REV3L: variants seen among roughly 807,000 people sequenced by gnomAD.
The protein encoded by REV3L is REV3 like, DNA directed polymerase zeta catalytic subunit.
In REV3L, 69 loss-of-function variants were observed where a neutral mutation model predicts 299.4. That is an observed-to-expected ratio of 0.23 (90% CI 0.19 to 0.28). REV3L has a LOEUF of 0.28. Ranked by LOEUF, REV3L falls within the 10% of genes least tolerant of loss-of-function variation. REV3L has a pLI of 1.00. For missense variants in REV3L, 3,128 were observed against 3,693.8 expected, an observed-to-expected ratio of 0.85 and a Z score of 3.97; for synonymous variants, 1,238 against 1,271.4, an observed-to-expected ratio of 0.97 and a Z score of 0.56.
At chr6:111,402,443 T>C (rs1783185224) in intron 4 of REV3L, among the ~76,000 whole-genome samples, 1 of 152,222 alleles carries the variant, frequency 6.6e-6, no homozygotes, top group Admixed American at 6.5e-5. Flanking sequence ...TTCTTAATTT[T>C]CCAAGATTAG....
At chr6:111,359,239 G>T (rs1778397457) in intron 16 of REV3L, among the ~76,000 whole-genome samples, 1 of 151,986 alleles carries the variant, frequency 6.6e-6, no homozygotes, top group Non-Finnish European at 1.5e-5. Context: ...TGCTCTCAAT[G>T]ACAATATTTA....
In REV3L at chr6:111,373,876, C is replaced by T. The variant is rs1317110083; in HGVS notation, c.4479G>A (p.Pro1493=). 16 of 1,613,820 alleles carry T rather than the reference C, an allele frequency of 9.9e-6. No homozygotes were observed. Among genetic ancestry groups the T allele is most frequent in the Non-Finnish European group, 1.3e-5 (15 of 1,179,944 alleles). ...MSNFKPERVK[P]RSLSEAISQT... ...GTGAAATTGCTTCTGATAACGACCT[C>T]GGTTTTACTCTTTCAGGTTTAAAAT... The change falls in exon 13 of 32, where the codon CCG becomes CCA. Residue 1493 remains proline (P), a synonymous_variant. Coordinates refer to ENST00000368802, the MANE Select transcript of REV3L (RefSeq NM_001372078.1).
intron 4 of REV3L, among the ~76,000 whole-genome samples, chr6:111,396,025 C>T (rs116519959): frequency 0.03 from 4,575 of 151,724 alleles, 79 homozygotes; most frequent in South Asian, 0.078. Flanking sequence ...TCCTTGCACC[C>T]CTGAAATAAG....
intron 1 of REV3L, among the ~76,000 whole-genome samples, chr6:111,453,754 CGGGTAG>C: frequency 6.6e-6 from 1 of 152,156 alleles, no homozygotes; most frequent in Non-Finnish European, 1.5e-5. Context: ...GAGGCTGAGG[CGGGTAG>C]ATCACTTGAG....
At chr6:111,455,939 A>G (rs1202168697) in intron 1 of REV3L, among the ~76,000 whole-genome samples, 1 of 152,246 alleles carries the variant, frequency 6.6e-6, no homozygotes, top group African/African-American at 2.4e-5. Flanking sequence ...TCCTTAAGAT[A>G]GAGCATCATA....
chr6:111,356,440 G>A (rs1238879688), intron 18 of REV3L, among the ~76,000 whole-genome samples: 1 of 152,030 alleles, frequency 6.6e-6, no homozygotes, highest in Non-Finnish European at 1.5e-5. Flanking sequence ...ATCGGACTGA[G>A]GACCGACTAC....
chr6:111,305,905 G>T (rs1479461166), intron 31 of REV3L, among the ~76,000 whole-genome samples: 1 of 152,210 alleles, frequency 6.6e-6, no homozygotes. Flanking sequence ...TTCAGTGGTT[G>T]TACTGACTAG....
intron 26 of REV3L, among the ~76,000 whole-genome samples, chr6:111,317,327 T>C (rs965565372): frequency 1.3e-5 from 2 of 152,216 alleles, no homozygotes; most frequent in African/African-American, 2.4e-5. Context: ...GTCTTTAAAA[T>C]AAATATTGTC....
intron 25 of REV3L, among the ~76,000 whole-genome samples, chr6:111,326,274 A>C (rs1229522155): frequency 6.6e-6 from 1 of 152,216 alleles, no homozygotes; most frequent in Non-Finnish European, 1.5e-5. Context: ...AAGGAACTCA[A>C]ACAACTCAGT....
chr6:111,299,102 G>A lies in REV3L; in HGVS notation c.*914C>T, dbSNP rs1245391407. On this transcript the variant is annotated 3_prime_UTR_variant, in exon 32 of 32. Transcript: ENST00000368802. ...AACTTTTAAAACAAAATGATTTCCA[G>A]TTTAAAAAACAATGCACTGACCACA... 1.3e-5 allele frequency: 2 copies of A among 152,146 alleles called. No homozygotes were observed. The highest frequency in any genetic ancestry group is 4.8e-5 in the African/African-American group (2 of 41,326). 9.4% of individuals were successfully genotyped at this position (152,146 alleles called of 1,614,324 possible).
At chr6:111,443,299 C>T (rs1788488987) in intron 1 of REV3L, among the ~76,000 whole-genome samples, 1 of 152,086 alleles carries the variant, frequency 6.6e-6, no homozygotes. Context: ...CAGGCGCCGC[C>T]ACCTCGCCCA....
At chr6:111,444,925 T>C (rs932210621) in intron 1 of REV3L, among the ~76,000 whole-genome samples, 6 of 152,256 alleles carry the variant, frequency 3.9e-5, no homozygotes, top group Non-Finnish European at 7.3e-5. Context: ...ATCCTACTTC[T>C]TTCCCAGAAG....
At chr6:111,329,403 T>C (rs1437171284) in intron 25 of REV3L, 129 bp downstream of exon 25, 3 of 762,468 alleles carry the variant, frequency 3.9e-6, no homozygotes, top group African/African-American at 3.5e-5. Context: ...CCAGGCAGGA[T>C]TCAACTCTGG....
At chr6:111,332,980 A>T in intron 23 of REV3L, 143 bp downstream of exon 23, 2 of 909,634 alleles carry the variant, frequency 2.2e-6, no homozygotes, top group Non-Finnish European at 3.2e-6. Flanking sequence ...AGACAACTAT[A>T]ATGAATGGAT....
chr6:111,374,755 T>C lies in REV3L; in HGVS notation c.3600A>G (p.Leu1200=). ...TTGGTTTCTTTTTTCCATCATCTAC[T>C]AGTTTATTTGTCTGATTTCGTTTGT... ...KRNKRNQTNK[L]VDDGKKKPRA... is the part of the protein sequence containing the mutation. The change falls in exon 13 of 32, where the codon CTA becomes CTG. Residue 1200 remains leucine, a synonymous_variant. Transcript: ENST00000368802. The C allele has an allele frequency of 6.2e-7, 1 of 1,612,456 alleles. No individual in the cohort carries two copies. The highest frequency in any genetic ancestry group is 8.5e-7 in the Non-Finnish European group (1 of 1,179,390).
At chr6:111,448,678 T>C (rs1789142402) in intron 1 of REV3L, among the ~76,000 whole-genome samples, 1 of 151,630 alleles carries the variant, frequency 6.6e-6, no homozygotes, top group Non-Finnish European at 1.5e-5. Context: ...TGGAGTGCCA[T>C]GGCACAATCA....
At chr6:111,377,890 C>T (rs567561702) in intron 11 of REV3L, 47 bp from the exon 12 acceptor site, 1 of 1,522,468 alleles carries the variant, frequency 6.6e-7, no homozygotes, top group Admixed American at 2.0e-5. Flanking sequence ...TTAGTAAAGA[C>T]CATCTCAGAT....
intron 10 of REV3L, 88 bp from the exon 11 acceptor site, chr6:111,380,307 T>TG (rs892972135): frequency 1.9e-5 from 17 of 904,258 alleles, no homozygotes; most frequent in Non-Finnish European, 2.7e-5. Context: ...AGGCTGGAGT[T>TG]GGAGTGCAGT....
chr6:111,422,348 A>G (rs1785454290), intron 1 of REV3L, among the ~76,000 whole-genome samples: 1 of 151,842 alleles, frequency 6.6e-6, no homozygotes, highest in Admixed American at 6.6e-5. Flanking sequence ...CAGTTGCAAT[A>G]GACACCCTAC....
Sources: gnomAD v4.1 joint callset for allele counts (sites outside exome capture counted in the v4.1 genomes callset) on GRCh38, gnomAD v4.1.1 for gene constraint, MANE v1.5 for transcripts, NCBI Gene and HGNC (gene_info 2026-07-23, HGNC 2026-07-21) for gene names.